Variants in LGSN observed in about 807,000 individuals in gnomAD.
LGSN encodes the protein lengsin.
Under a neutral mutation model 19.5 loss-of-function variants are expected in LGSN, and 21 were observed. The ratio of observed to expected loss-of-function variants is 1.07; its 90% CI spans 0.76 to 1.55. The LOEUF (loss-of-function observed/expected upper bound fraction) is 1.55, where lower values mean the gene tolerates loss of function less well. Ranked by LOEUF, LGSN falls within the 40% of genes most tolerant of loss-of-function variation. The pLI is 0.00. For missense variants in LGSN, 673 were observed against 608.5 expected (o/e 1.11, Z -1.12); for synonymous variants, 257 against 215.6 (o/e 1.19, Z -1.68).
the LGSN span, among the ~76,000 whole-genome samples, chr6:63,482,970 G>A: frequency 6.6e-6 from 1 of 152,120 alleles, no homozygotes; most frequent in South Asian, 2.1e-4. Flanking sequence ...CAAAGTGCCG[G>A]GATTACAGGC....
chr6:63,490,846 G>A, the LGSN span, among the ~76,000 whole-genome samples: 5 of 152,178 alleles, frequency 3.3e-5, no homozygotes, highest in African/African-American at 1.2e-4. Context: ...CCAAAGGCCT[G>A]GGACCAACGG....
chr6:63,373,313 C>T, the LGSN span, among the ~76,000 whole-genome samples: 15 of 152,324 alleles, frequency 9.8e-5, no homozygotes, highest in African/African-American at 3.6e-4. Context: ...AAAATAGTAA[C>T]TACAGTGTGG....
At chr6:63,536,783 A>G in the LGSN span, among the ~76,000 whole-genome samples, 2 of 152,182 alleles carry the variant, frequency 1.3e-5, no homozygotes, top group African/African-American at 4.8e-5. Flanking sequence ...GTTTTATTAT[A>G]TTATTTATGT....
the LGSN span, among the ~76,000 whole-genome samples, chr6:63,432,099 A>AAGAAAGAAAGAT: frequency 1.5e-5 from 1 of 66,238 alleles, no homozygotes; most frequent in Non-Finnish European, 3.0e-5. Context: ...GAAAGAAAGA[A>AAGAAAGAAAGAT]AGAAAGAAAG....
the LGSN span, among the ~76,000 whole-genome samples, chr6:63,443,837 G>A: frequency 1.3e-5 from 2 of 149,560 alleles, no homozygotes; most frequent in East Asian, 3.9e-4. Flanking sequence ...GGGGTGGGGA[G>A]AAAGAAAACA....
At chr6:63,449,495 A>G in the LGSN span, among the ~76,000 whole-genome samples, 5 of 151,434 alleles carry the variant, frequency 3.3e-5, no homozygotes, top group Non-Finnish European at 7.4e-5. Flanking sequence ...CAGTGAGCCG[A>G]GATCACACCA....
the LGSN span, among the ~76,000 whole-genome samples, chr6:63,519,554 GAC>G: frequency 9.9e-5 from 15 of 152,158 alleles, no homozygotes; most frequent in Admixed American, 9.2e-4. Flanking sequence ...TAAGGGTAAA[GAC>G]ACCACATATG....
At chr6:63,523,988 CTTTT>C in the LGSN span, among the ~76,000 whole-genome samples, 1 of 148,768 alleles carries the variant, frequency 6.7e-6, no homozygotes, top group Admixed American at 6.7e-5. Context: ...TATCAATAGG[CTTTT>C]TTTTTTCTGG....
At chr6:63,458,959 G>C in the LGSN span, among the ~76,000 whole-genome samples, 1 of 152,182 alleles carries the variant, frequency 6.6e-6, no homozygotes, top group Non-Finnish European at 1.5e-5. Flanking sequence ...ATAATGCTAT[G>C]TGAAACCCTT....
the LGSN span, among the ~76,000 whole-genome samples, chr6:63,468,772 G>A: frequency 6.6e-6 from 1 of 151,088 alleles, no homozygotes. Context: ...TTTTTGAGAT[G>A]GAGTCTCGCT....
chr6:63,529,996 A>G, the LGSN span, among the ~76,000 whole-genome samples: 7 of 152,266 alleles, frequency 4.6e-5, no homozygotes, highest in East Asian at 7.7e-4. Context: ...TTATAGAGTT[A>G]TGAGTAATAT....
At chr6:63,306,828 C>G (rs997095376) in intron 1 of LGSN, among the ~76,000 whole-genome samples, 1 of 152,130 alleles carries the variant, frequency 6.6e-6, no homozygotes, top group Non-Finnish European at 1.5e-5. Context: ...CCTCGTGTTG[C>G]CAGTTTTACA....
At chr6:63,528,866 A>T in the LGSN span, among the ~76,000 whole-genome samples, 1 of 152,108 alleles carries the variant, frequency 6.6e-6, no homozygotes. Context: ...AGGCCGGTGG[A>T]TTACCTGAGG....
At chr6:63,504,315 C>T in the LGSN span, among the ~76,000 whole-genome samples, 1 of 151,666 alleles carries the variant, frequency 6.6e-6, no homozygotes, top group Admixed American at 6.6e-5. Context: ...AATCTCGGCT[C>T]ACTGCAAGCT....
the LGSN span, among the ~76,000 whole-genome samples, chr6:63,493,604 A>G: frequency 6.6e-6 from 1 of 152,216 alleles, no homozygotes; most frequent in Admixed American, 6.5e-5. Context: ...TGTTGTTGAC[A>G]AAAGGCAAAA....
At chr6:63,412,086 G>A in the LGSN span, among the ~76,000 whole-genome samples, 166 of 152,240 alleles carry the variant, frequency 1.1e-3, no homozygotes, top group African/African-American at 3.9e-3. Context: ...ATGAGGGCAG[G>A]TCGGGCAAAG....
chr6:63,429,499 G>T, the LGSN span, among the ~76,000 whole-genome samples: 2 of 152,264 alleles, frequency 1.3e-5, no homozygotes, highest in African/African-American at 2.4e-5. Flanking sequence ...ACTTTGGGAG[G>T]CTGAGGCAGG....
At chr6:63,416,696 C>T in the LGSN span, among the ~76,000 whole-genome samples, 4 of 151,824 alleles carry the variant, frequency 2.6e-5, no homozygotes, top group African/African-American at 9.7e-5. Flanking sequence ...GCCTCCCAAA[C>T]AGCTGGGATT....
chr6:63,540,959 C>T, the LGSN span, among the ~76,000 whole-genome samples: 1,269 of 148,146 alleles, frequency 8.6e-3, 39 homozygotes, highest in Admixed American at 0.06. Flanking sequence ...GCCAAGATCA[C>T]GCCAGTGCAC....
Sources: allele counts gnomAD v4.1 joint callset (sites outside exome capture counted in the v4.1 genomes callset), GRCh38; gene constraint gnomAD v4.1.1; transcripts MANE v1.5; gene names NCBI Gene and HGNC (gene_info 2026-07-23, HGNC 2026-07-21).